Variants in PCDH9 observed in about 807,000 individuals in gnomAD.
PCDH9 encodes the protein protocadherin 9.
In PCDH9, 24 loss-of-function variants were observed where a neutral mutation model predicts 70.6. The observed-to-expected ratio is 0.34, with a 90% CI of 0.25 to 0.48. The LOEUF (loss-of-function observed/expected upper bound fraction) is 0.48. Ranked by LOEUF, PCDH9 falls within the 20% of genes least tolerant of loss-of-function variation. PCDH9 has a pLI of 0.99. For synonymous variants in PCDH9, 562 were observed against 558.5 expected (o/e 1.01, Z -0.09); for missense variants, 1,281 against 1,503.6 (o/e 0.85, Z 2.45).
In PCDH9 at chr13:66,628,582, G is replaced by GC. The variant is rs3834944; in HGVS notation, c.3340+2627dup. On this transcript the variant is annotated intron_variant, in intron 4 of 4. Coordinates refer to ENST00000377865, the MANE Select transcript of PCDH9 (RefSeq NM_203487.3). ...AGTTGAGTGATTATAGCTCACTGCT[G>GC]CCCAGACTCCTGGTCTCAAGTGAAC... 4.2e-3 allele frequency among the ~76,000 whole-genome samples: 638 copies of GC among 152,206 alleles called. 20 individuals are homozygous for GC. The East Asian group carries it at 0.081, about 19-fold the overall frequency.
At position 66,747,305 on chromosome 13, in the gene PCDH9, C is replaced by T. The variant is rs1317754077; in HGVS notation, c.3139-115894G>A. Among the ~76,000 whole-genome samples, 11 of 152,104 alleles carry T rather than the reference C, an allele frequency of 7.2e-5. No individual in the cohort carries two copies. The East Asian group carries it at 7.7e-4, about 11-fold the overall frequency. ...GGTGAAGGTTGCAGTGAGCCAAGAT[C>T]GCACCATTGCACTCCAGCCTGGGCA... On this transcript the variant is annotated intron_variant, in intron 3 of 4. Coordinates refer to ENST00000377865, the MANE Select transcript of PCDH9 (RefSeq NM_203487.3).
chr13:66,825,188 A>G (rs150168252), intron 3 of PCDH9: 1 of 151,466 alleles, frequency 6.6e-6, no homozygotes, highest in African/African-American at 2.4e-5. Context: ...ACAGGAAAAA[A>G]ATATATATAT....
intron 3 of PCDH9, among the ~76,000 whole-genome samples, chr13:66,838,837 T>C (rs1309835650): frequency 6.6e-6 from 1 of 152,128 alleles, no homozygotes; most frequent in East Asian, 1.9e-4. Context: ...TGCACTAATC[T>C]CTAGTAACAG....
chr13:67,090,165 A>T (rs1469019944), intron 2 of PCDH9, among the ~76,000 whole-genome samples: 1 of 152,054 alleles, frequency 6.6e-6, no homozygotes, highest in Non-Finnish European at 1.5e-5. Context: ...TTACTAATGA[A>T]GACTACAGTT....
At chr13:66,866,600 C>T (rs995713704) in intron 3 of PCDH9, among the ~76,000 whole-genome samples, 9 of 152,016 alleles carry the variant, frequency 5.9e-5, no homozygotes, top group Middle Eastern at 3.2e-3. Context: ...AGTTCCAGAC[C>T]AGCCTGGCCA....
chr13:66,697,604 G>A (rs576085486), intron 3 of PCDH9, among the ~76,000 whole-genome samples: 2 of 152,268 alleles, frequency 1.3e-5, no homozygotes, highest in South Asian at 2.1e-4. Context: ...ATGGGGGACA[G>A]TGCTGTACTA....
chr13:66,903,506 C>T lies in PCDH9; in HGVS notation c.3136G>A (p.Glu1046Lys), dbSNP rs746190262. The change falls in exon 3 of 5, where the codon GAG becomes AAG. Residue 1046 changes from glutamate (E) to lysine (K), a missense_variant and splice_region_variant. Physicochemically the swap from Glu to Lys is moderately conservative, Grantham distance 56 (BLOSUM62 1). Coordinates refer to ENST00000377865, the MANE Select transcript of PCDH9 (RefSeq NM_203487.3). ...HIQENEESHYESQRRVTFHLP... is the reference protein window; with the variant it reads ...HIQENEESHYKSQRRVTFHLP... ...TTCTCTATAGATATATGGCATACCT[C>T]GTAATGGCTTTCTTCATTCTCCTGA... The T allele has an allele frequency of 2.1e-5, 29 of 1,397,114 alleles. No individual in the cohort carries two copies. The highest frequency in any genetic ancestry group is 2.4e-5 in the Non-Finnish European group (24 of 984,836). The allele number at this position is 1,397,114 out of a possible 1,614,324, so 86.5% of individuals were successfully genotyped here. A position where few individuals can be genotyped will look rare whatever the true frequency, so the allele number is the denominator to read the frequency against.
At chr13:66,979,444 T>C (rs1594340922) in intron 2 of PCDH9, among the ~76,000 whole-genome samples, 1 of 152,194 alleles carries the variant, frequency 6.6e-6, no homozygotes, top group Non-Finnish European at 1.5e-5. Flanking sequence ...AAGATATCTG[T>C]CTTCCTATTA....
chr13:66,983,237 TAAA>T (rs888905835), intron 2 of PCDH9, among the ~76,000 whole-genome samples: 9 of 151,888 alleles, frequency 5.9e-5, no homozygotes, highest in African/African-American at 2.2e-4. Context: ...AACTAGAAGT[TAAA>T]GAAGAAAAAT....
chr13:66,448,506 A>G (rs1364324234), intron 4 of PCDH9, among the ~76,000 whole-genome samples: 1 of 152,228 alleles, frequency 6.6e-6, no homozygotes, highest in African/African-American at 2.4e-5. Flanking sequence ...GATTAAAGAG[A>G]CTGAGTTATG....
At chr13:67,042,837 G>A (rs2085148584) in intron 2 of PCDH9, among the ~76,000 whole-genome samples, 1 of 152,068 alleles carries the variant, frequency 6.6e-6, no homozygotes, top group Admixed American at 6.6e-5. Flanking sequence ...ATGACACTAT[G>A]AGAACCCTGT....
chr13:66,547,240 A>T (rs1961247584), intron 4 of PCDH9, among the ~76,000 whole-genome samples: 1 of 152,242 alleles, frequency 6.6e-6, no homozygotes, highest in Non-Finnish European at 1.5e-5. Flanking sequence ...CATACTTTGT[A>T]TGACACCTTG....
In PCDH9 at chr13:66,562,259, C is replaced by A. The variant is rs140749856; in HGVS notation, c.3340+68951G>T. On this transcript the variant is annotated intron_variant, in intron 4 of 4. Coordinates refer to ENST00000377865, the MANE Select transcript of PCDH9 (RefSeq NM_203487.3). ...TCAGTTACCACTGATGACATCATCA[C>A]CCCATATAAACTTTTTCTTAGCTCA... Among the ~76,000 whole-genome samples, 76 of 152,160 alleles carry A rather than the reference C, an allele frequency of 5.0e-4. 1 individual carries two copies. The highest frequency in any genetic ancestry group is 1.6e-3 in the African/African-American group (67 of 41,528).
chr13:66,516,353 A>G (rs192297109), intron 4 of PCDH9, among the ~76,000 whole-genome samples: 58 of 152,156 alleles, frequency 3.8e-4, no homozygotes, highest in African/African-American at 2.4e-5. Context: ...TAATAATCCT[A>G]GAAGCTTGGC....
At chr13:67,169,583 T>A (rs1469291719) in intron 2 of PCDH9, among the ~76,000 whole-genome samples, 1 of 152,144 alleles carries the variant, frequency 6.6e-6, no homozygotes, top group South Asian at 2.1e-4. Context: ...CTAAAGGGAT[T>A]TTTTTGTAAG....
At chr13:66,566,947 G>C (rs1052375786) in intron 4 of PCDH9, among the ~76,000 whole-genome samples, 2 of 151,994 alleles carry the variant, frequency 1.3e-5, no homozygotes, top group Non-Finnish European at 2.9e-5. Flanking sequence ...TGTGGAAGGA[G>C]ATGATAACAT....
intron 4 of PCDH9, among the ~76,000 whole-genome samples, chr13:66,383,371 G>A (rs1956878856): frequency 6.6e-6 from 1 of 152,176 alleles, no homozygotes; most frequent in African/African-American, 2.4e-5. Context: ...AGTGCTTGGT[G>A]TTCATGTTTC....
At chr13:66,355,847 G>T (rs555187734) in intron 4 of PCDH9, among the ~76,000 whole-genome samples, 3 of 152,156 alleles carry the variant, frequency 2.0e-5, no homozygotes, top group South Asian at 2.1e-4. Flanking sequence ...CTACTGAAAA[G>T]AACAAGAATT....
At chr13:66,587,361 A>G (rs200905321) in intron 4 of PCDH9, among the ~76,000 whole-genome samples, 1 of 125,416 alleles carries the variant, frequency 8.0e-6, no homozygotes, top group South Asian at 2.8e-4. Context: ...GGTTGACACA[A>G]ACATACAAAC....
Sources: gnomAD v4.1 joint callset for allele counts (sites outside exome capture counted in the v4.1 genomes callset) on GRCh38, gnomAD v4.1.1 for gene constraint, MANE v1.5 for transcripts, NCBI Gene and HGNC (gene_info 2026-07-23, HGNC 2026-07-21) for gene names.